Variants in CDK14 observed in about 807,000 individuals in gnomAD.
CDK14 encodes cyclin-dependent kinase 14.
In CDK14, 34 loss-of-function variants were observed where a neutral mutation model predicts 60.7. The ratio of observed to expected loss-of-function variants is 0.56; its 90% CI spans 0.43 to 0.75. The LOEUF is 0.75. CDK14 is among the 30% of genes least tolerant of loss of function. CDK14 has a pLI of 0.00. For missense variants in CDK14, 482 were observed against 564.1 expected (o/e 0.85, Z 1.47); for synonymous variants, 197 against 203.7 (o/e 0.97, Z 0.28).
chr7:91,025,235 A>G (rs1040494747), intron 10 of CDK14, among the ~76,000 whole-genome samples: 2 of 152,160 alleles, frequency 1.3e-5, no homozygotes, highest in Non-Finnish European at 2.9e-5. Context: ...GCTTTGCACT[A>G]TACTGCGGTT....
At chr7:90,647,357 T>G (rs1236485538) in intron 2 of CDK14, among the ~76,000 whole-genome samples, 1 of 152,196 alleles carries the variant, frequency 6.6e-6, no homozygotes, top group Non-Finnish European at 1.5e-5. Flanking sequence ...TAGAACAATC[T>G]TAGGGGGCCT....
chr7:90,993,148 C>G (rs1795586512), intron 10 of CDK14, among the ~76,000 whole-genome samples: 1 of 152,060 alleles, frequency 6.6e-6, no homozygotes, highest in Non-Finnish European at 1.5e-5. Flanking sequence ...TCAGCTGCAT[C>G]AAATACTCAG....
At chr7:90,641,547 G>T (rs1055538553) in intron 2 of CDK14, among the ~76,000 whole-genome samples, 6 of 151,900 alleles carry the variant, frequency 3.9e-5, no homozygotes, top group African/African-American at 1.5e-4. Context: ...GTATGATTCT[G>T]TTTATATGAA....
intron 14 of CDK14, among the ~76,000 whole-genome samples, chr7:91,159,148 T>C (rs1801086252): frequency 6.6e-6 from 1 of 152,218 alleles, no homozygotes; most frequent in South Asian, 2.1e-4. Context: ...TTCTTTTAAC[T>C]GGAAACAGAG....
Position 91,173,443 on chromosome 7 carries a change from TGG to T in CDK14, c.*29-33719_*29-33718del, listed in dbSNP as rs1291956697. Among the ~76,000 whole-genome samples the T allele has an allele frequency of 9.3e-5, 14 of 150,798 alleles. No homozygotes were observed. The East Asian group carries it at 2.4e-3, about 26-fold the overall frequency. On this transcript the variant is annotated intron_variant, in intron 14 of 14. Transcript: ENST00000380050. ...ACTGCATCTCTTAAAAAAAAAAAGG[TGG>T]GGAGGAGCCAAGATGGCCGAATAGG... is the stretch of plus-strand genomic sequence containing the variant.
chr7:90,905,584 C>T (rs1316318154), intron 7 of CDK14, among the ~76,000 whole-genome samples: 1 of 152,038 alleles, frequency 6.6e-6, no homozygotes, highest in African/African-American at 2.4e-5. Context: ...CATTCCAGGA[C>T]CAGCGTCCTG....
intron 11 of CDK14, among the ~76,000 whole-genome samples, chr7:91,047,787 C>A (rs1046898162): frequency 6.6e-6 from 1 of 152,088 alleles, no homozygotes; most frequent in African/African-American, 2.4e-5. Flanking sequence ...CCTGAGTTTG[C>A]TTGAGAGGAG....
At chr7:91,032,946 G>C (rs1796805411) in intron 10 of CDK14, among the ~76,000 whole-genome samples, 1 of 152,212 alleles carries the variant, frequency 6.6e-6, no homozygotes, top group South Asian at 2.1e-4. Flanking sequence ...TGATGTAACT[G>C]AAATGAATAT....
rs376521053 is a variant in CDK14 at position 91,079,106 on chromosome 7, A to T, written c.1106-326A>T. Among the ~76,000 whole-genome samples, 190 of 152,320 alleles carry T rather than the reference A, an allele frequency of 1.2e-3. 1 individual carries two copies. The highest frequency in any genetic ancestry group is 4.3e-3 in the African/African-American group (179 of 41,578). The stretch of plus-strand genomic sequence containing the variant: ...ACGAAATGTGTTGATATGCTTTTGT[A>T]AATCTACTTACAGGTTGGAGGTTTG... On this transcript the variant is annotated intron_variant, in intron 11 of 14. Transcript: ENST00000380050.
chr7:91,154,644 C>G (rs756195550), intron 14 of CDK14, among the ~76,000 whole-genome samples: 1 of 152,046 alleles, frequency 6.6e-6, no homozygotes, highest in Admixed American at 6.6e-5. Flanking sequence ...TGTGTCACCT[C>G]GGTCAAATAA....
intron 14 of CDK14, among the ~76,000 whole-genome samples, chr7:91,138,454 T>C (rs1415912662): frequency 6.6e-6 from 1 of 152,144 alleles, no homozygotes; most frequent in Non-Finnish European, 1.5e-5. Context: ...TTTAAGTTAG[T>C]GAAGAAAGTT....
At chr7:90,937,148 A>G (rs1177942005) in intron 8 of CDK14, among the ~76,000 whole-genome samples, 1 of 152,194 alleles carries the variant, frequency 6.6e-6, no homozygotes, top group Non-Finnish European at 1.5e-5. Flanking sequence ...GGACACTGTG[A>G]GTAATATTTA....
At chr7:90,961,727 A>G (rs1794608662) in intron 9 of CDK14, among the ~76,000 whole-genome samples, 1 of 152,242 alleles carries the variant, frequency 6.6e-6, no homozygotes, top group African/African-American at 2.4e-5. Flanking sequence ...GCAACATAAC[A>G]AAAGAACTGG....
chr7:90,610,545 G>T (rs1392341126), intron 2 of CDK14, among the ~76,000 whole-genome samples: 1 of 152,146 alleles, frequency 6.6e-6, no homozygotes, highest in Non-Finnish European at 1.5e-5. Context: ...CAAACTGTGT[G>T]ACTTAAATAA....
Position 91,112,610 on chromosome 7 carries a change from T to C in CDK14, c.1223T>C (p.Leu408Pro). The C allele has an allele frequency of 6.2e-7, 1 of 1,613,920 alleles. No individual in the cohort carries two copies. The highest frequency in any genetic ancestry group is 8.5e-7 in the Non-Finnish European group (1 of 1,179,874). Residue 408 changes from leucine to proline, a missense_variant, in exon 13 of 15, where the codon CTG (leucine) becomes CCG (proline). By Grantham distance (98) the Leu-to-Pro change is moderately conservative. Coordinates refer to ENST00000380050, the MANE Select transcript of CDK14 (RefSeq NM_001287135.2). ...KLLQCSPKNR[L>P]SAQAALSHEY... is the part of the protein sequence containing the mutation. ...CTACAATGTTCCCCAAAGAACAGACTGTCGGCACAGGCTGCCTTGAGCCAC... is the reference window on the plus strand; with the variant it reads ...CTACAATGTTCCCCAAAGAACAGACCGTCGGCACAGGCTGCCTTGAGCCAC...
intron 2 of CDK14, among the ~76,000 whole-genome samples, chr7:90,662,610 A>G (rs1231220457): frequency 6.6e-6 from 1 of 152,222 alleles, no homozygotes; most frequent in African/African-American, 2.4e-5. Context: ...AATCACATTT[A>G]CTTCCTCACA....
intron 10 of CDK14, among the ~76,000 whole-genome samples, chr7:91,007,056 C>A (rs930317276): frequency 6.6e-6 from 1 of 152,126 alleles, no homozygotes; most frequent in Non-Finnish European, 1.5e-5. Flanking sequence ...AGAAACGATT[C>A]CTAGAGGAGG....
intron 8 of CDK14, among the ~76,000 whole-genome samples, chr7:90,944,106 A>G (rs1051629121): frequency 3.3e-5 from 5 of 152,182 alleles, no homozygotes; most frequent in African/African-American, 1.2e-4. Context: ...CCACTTCTCT[A>G]CAACATGATG....
chr7:91,007,684 A>G (rs1796018483), intron 10 of CDK14, among the ~76,000 whole-genome samples: 1 of 152,186 alleles, frequency 6.6e-6, no homozygotes, highest in Admixed American at 6.5e-5. Flanking sequence ...TTTCAGCTGT[A>G]TAGAATGAAA....
Sources: gnomAD v4.1 joint callset for allele counts (sites outside exome capture counted in the v4.1 genomes callset) on GRCh38, gnomAD v4.1.1 for gene constraint, MANE v1.5 for transcripts, NCBI Gene and HGNC (gene_info 2026-07-23, HGNC 2026-07-21) for gene names.